Variants in SYNPO observed in about 807,000 individuals in gnomAD.
SYNPO encodes the protein synaptopodin.
In SYNPO, 19 loss-of-function variants were observed where a neutral mutation model predicts 49.5. The observed-to-expected ratio is 0.38, with a 90% CI of 0.27 to 0.56. SYNPO has a LOEUF of 0.56. Ranked by LOEUF, SYNPO falls within the 20% of genes least tolerant of loss-of-function variation. The probability of loss-of-function intolerance (pLI) is 0.68; values close to 1 mark genes in which losing one functional copy is unlikely to be tolerated. For synonymous variants in SYNPO, 536 were observed against 548.0 expected (o/e 0.98, Z 0.31); for missense variants, 1,131 against 1,248.3 (o/e 0.91, Z 1.42).
chr5:150,644,337 T>A (rs1191224945), intron 1 of SYNPO, among the ~76,000 whole-genome samples: 1 of 152,168 alleles, frequency 6.6e-6, no homozygotes, highest in Non-Finnish European at 1.5e-5. Flanking sequence ...AAGAATTGTG[T>A]GGGAATTGGA....
intron 2 of SYNPO, among the ~76,000 whole-genome samples, chr5:150,630,287 T>A (rs1395577424): frequency 6.6e-6 from 1 of 152,206 alleles, no homozygotes; most frequent in Non-Finnish European, 1.5e-5. Context: ...GCCACCATTG[T>A]ACAGTTAGGG....
chr5:150,590,466 T>G, the SYNPO span, among the ~76,000 whole-genome samples: 1 of 152,202 alleles, frequency 6.6e-6, no homozygotes, highest in Non-Finnish European at 1.5e-5. Flanking sequence ...GATCAGACGC[T>G]GGGTGAGACA....
At chr5:150,595,104 G>T in the SYNPO span, among the ~76,000 whole-genome samples, 1 of 152,196 alleles carries the variant, frequency 6.6e-6, no homozygotes, top group Non-Finnish European at 1.5e-5. Context: ...AGACTTCTCA[G>T]GTGGAAGCTG....
chr5:150,656,664 T>G lies in SYNPO; in HGVS notation c.2289T>G (p.Asn763Lys). The change falls in exon 3 of 3, where the codon AAT (asparagine) becomes AAG (lysine). Residue 763 changes from asparagine (N) to lysine (K), a missense_variant. Coordinates refer to ENST00000307662, the MANE Select transcript of SYNPO (RefSeq NM_007286.6). ...CGCTTCTGGCGCGAAACATCATCAA[T>G]GCGGCCCGGCGCAAGAGCGCCTCCC... The part of the protein sequence containing the change: ...LQALLARNII[N>K]AARRKSASPR... 1.3e-6 allele frequency: 2 copies of G among 1,497,764 alleles called. No homozygotes were observed. The highest frequency in any genetic ancestry group is 1.2e-5 in the South Asian group (1 of 80,294). 92.8% of individuals were successfully genotyped at this position (1,497,764 alleles called of 1,614,324 possible). A position where few individuals can be genotyped will look rare whatever the true frequency, so the allele number is the denominator to read the frequency against.
chr5:150,650,617 G>A (rs1019614987), intron 2 of SYNPO: 4 of 1,448,164 alleles, frequency 2.8e-6, no homozygotes, highest in East Asian at 2.5e-5. Context: ...GCGGTAGAGG[G>A]GCATCCTCTG....
the SYNPO span, among the ~76,000 whole-genome samples, chr5:150,590,897 C>G: frequency 1.3e-5 from 2 of 152,176 alleles, no homozygotes; most frequent in Admixed American, 1.3e-4. Flanking sequence ...TATACCTCCC[C>G]GTCCTCAGCC....
At chr5:150,635,621 A>G (rs966415260) in intron 2 of SYNPO, among the ~76,000 whole-genome samples, 8 of 152,162 alleles carry the variant, frequency 5.3e-5, no homozygotes, top group Admixed American at 2.6e-4. Flanking sequence ...TGCATGCGCT[A>G]CTATGCCTGG....
At chr5:150,587,326 A>C in the SYNPO span, among the ~76,000 whole-genome samples, 1 of 152,086 alleles carries the variant, frequency 6.6e-6, no homozygotes, top group East Asian at 1.9e-4. Flanking sequence ...TGAATGCTGC[A>C]TGTAGGTATA....
At chr5:150,599,083 C>T (rs912628759), upstream of SYNPO, among the ~76,000 whole-genome samples, 2 of 152,240 alleles carry the variant, frequency 1.3e-5, no homozygotes, top group African/African-American at 4.8e-5. Flanking sequence ...GGCAAGGAGG[C>T]CTGTCAGGGC....
At chr5:150,600,730 A>G (rs2151330467), upstream of SYNPO, among the ~76,000 whole-genome samples, 2 of 152,238 alleles carry the variant, frequency 1.3e-5, no homozygotes, top group East Asian at 3.9e-4. Flanking sequence ...CGAGTCCTCC[A>G]AGTGGCTCCA....
intron 2 of SYNPO, chr5:150,624,846 G>A: frequency 3.0e-6 from 3 of 984,770 alleles, no homozygotes; most frequent in Non-Finnish European, 3.6e-6. Flanking sequence ...GCTGACGGAC[G>A]CGGCCAGGTG....
chr5:150,647,856 G>A (rs1758160279), intron 1 of SYNPO, 88 bp from the exon 2 acceptor site: 3 of 1,235,724 alleles, frequency 2.4e-6, no homozygotes, highest in Non-Finnish European at 2.2e-6. Context: ...GAAGGGCCGA[G>A]GCGACCATCT....
At chr5:150,646,054 G>A (rs995283501) in intron 1 of SYNPO, among the ~76,000 whole-genome samples, 1 of 152,082 alleles carries the variant, frequency 6.6e-6, no homozygotes, top group Non-Finnish European at 1.5e-5. Context: ...TTAGGGCCAG[G>A]TATAGTGGCT....
chr5:150,649,333 A>C lies in SYNPO; in HGVS notation c.1058A>C (p.His353Pro), dbSNP rs751833108. 4 of 1,614,028 alleles carry C rather than the reference A, an allele frequency of 2.5e-6. No homozygotes were observed. The African/African-American group carries it at 5.3e-5, about 22-fold the overall frequency. Residue 353 changes from histidine (H) to proline (P), a missense_variant, in exon 2 of 3, where the codon CAT becomes CCT. Coordinates refer to ENST00000307662, the MANE Select transcript of SYNPO (RefSeq NM_007286.6). ...LYPSSDPKSS[H>P]LKGQAVPASK... ...CCCAGCTCCGACCCCAAGTCTTCTC[A>C]TCTGAAGGGCCAGGCGGTTCCTGCC...
chr5:150,588,852 G>A, the SYNPO span, among the ~76,000 whole-genome samples: 2 of 152,116 alleles, frequency 1.3e-5, no homozygotes, highest in South Asian at 2.1e-4. Flanking sequence ...CAAAAAAAAG[G>A]CAGCAAACAA....
Position 150,648,691 on chromosome 5 carries a change from C to T in SYNPO, c.416C>T (p.Ala139Val). ...GCTTCCAAACCCAGCACCCTGTGTG[C>T]TGATGGGCAACCCCAGGCACCGGCT... ...GPASKPSTLC[A>V]DGQPQAPAEE... The change falls in exon 2 of 3, where the codon GCT becomes GTT. Residue 139 changes from alanine (A) to valine (V), a missense_variant. By Grantham distance (64) the Ala-to-Val change is moderately conservative (BLOSUM62 0). Coordinates refer to ENST00000307662, the MANE Select transcript of SYNPO (RefSeq NM_007286.6). The surrounding 1 kb of genome is among the most constrained non-coding windows in gnomAD (Gnocchi z 5.0). The T allele has an allele frequency of 1.2e-6, 2 of 1,614,222 alleles. No individual in the cohort carries two copies. The highest frequency in any genetic ancestry group is 1.7e-6 in the Non-Finnish European group (2 of 1,180,048).
upstream of SYNPO, chr5:150,640,201 A>G: frequency 1.0e-6 from 1 of 983,362 alleles, no homozygotes; most frequent in Non-Finnish European, 1.2e-6. Flanking sequence ...TTATTAAGTG[A>G]TGCAGACAGA....
At chr5:150,599,166 T>A (rs116435396), upstream of SYNPO, among the ~76,000 whole-genome samples, 677 of 152,362 alleles carry the variant, frequency 4.4e-3, 3 homozygotes, top group African/African-American at 0.015. Flanking sequence ...GAAATCACCA[T>A]GTACCGGGCG....
chr5:150,588,260 C>T, the SYNPO span, among the ~76,000 whole-genome samples: 20 of 152,166 alleles, frequency 1.3e-4, no homozygotes, highest in African/African-American at 2.9e-4. Flanking sequence ...TATCTCCATG[C>T]GTGACTTTCC....
Sources: allele counts gnomAD v4.1 joint callset (sites outside exome capture counted in the v4.1 genomes callset), GRCh38; gene constraint gnomAD v4.1.1; non-coding constraint Gnocchi (gnomAD v3.1); transcripts MANE v1.5; gene names NCBI Gene and HGNC (gene_info 2026-07-23, HGNC 2026-07-21).